PGM5: variants seen among roughly 807,000 people sequenced by gnomAD.
PGM5 encodes the protein phosphoglucomutase-like protein 5.
A neutral mutation model predicts 59.2 loss-of-function variants in PGM5; 23 were observed. The ratio of observed to expected loss-of-function variants is 0.39; its 90% CI spans 0.28 to 0.55. PGM5 has a LOEUF of 0.55. Among genes scored for constraint, PGM5 ranks in the 20% least tolerant of loss-of-function variants. The probability of loss-of-function intolerance (pLI) is 0.66; values close to 1 mark genes in which losing one functional copy is unlikely to be tolerated. For missense variants in PGM5, 574 were observed against 748.3 expected, an observed-to-expected ratio of 0.77 and a Z score of 2.72; for synonymous variants, 214 against 286.0, an observed-to-expected ratio of 0.75 and a Z score of 2.54.
intron 3 of PGM5, among the ~76,000 whole-genome samples, chr9:68,386,518 T>A (rs1332713937): frequency 6.6e-6 from 1 of 152,206 alleles, no homozygotes; most frequent in Non-Finnish European, 1.5e-5. Context: ...ATATCACACC[T>A]GGATTTACTA....
intron 6 of PGM5, among the ~76,000 whole-genome samples, chr9:68,435,247 A>G (rs1823426349): frequency 6.6e-6 from 1 of 152,204 alleles, no homozygotes; most frequent in South Asian, 2.1e-4. Flanking sequence ...AGTTTTTAGA[A>G]TTTTAACAGC....
intron 6 of PGM5, 76 bp from the exon 7 acceptor site, chr9:68,465,017 G>A: frequency 2.3e-6 from 2 of 872,324 alleles, no homozygotes; most frequent in Non-Finnish European, 3.7e-6. Flanking sequence ...AGATCCTAAA[G>A]ACTTCCTACT....
At chr9:68,378,796 T>C (rs1821990915) in intron 2 of PGM5, among the ~76,000 whole-genome samples, 1 of 152,116 alleles carries the variant, frequency 6.6e-6, no homozygotes, top group African/African-American at 2.4e-5. Context: ...TCCTACAGTG[T>C]TGACTTTCTC....
At chr9:68,438,917 C>G (rs1377697675) in intron 6 of PGM5, among the ~76,000 whole-genome samples, 1 of 152,032 alleles carries the variant, frequency 6.6e-6, no homozygotes, top group Non-Finnish European at 1.5e-5. Context: ...CCATAGCTCC[C>G]AAACAATCCA....
chr9:68,475,872 T>C (rs1258087058), intron 7 of PGM5, among the ~76,000 whole-genome samples: 1 of 152,080 alleles, frequency 6.6e-6, no homozygotes, highest in Non-Finnish European at 1.5e-5. Context: ...AATAAATAAA[T>C]TAGCCAGGCA....
chr9:68,454,992 C>T (rs561879779), intron 6 of PGM5, among the ~76,000 whole-genome samples: 1 of 152,332 alleles, frequency 6.6e-6, no homozygotes, highest in South Asian at 2.1e-4. Context: ...CCTGGGTGAC[C>T]GAAGGAAACC....
chr9:68,525,856 A>G (rs1432012491), intron 10 of PGM5, among the ~76,000 whole-genome samples: 14 of 152,212 alleles, frequency 9.2e-5, no homozygotes, highest in Non-Finnish European at 1.8e-4. Context: ...GGAGATCAAG[A>G]CCGTCCTGGC....
intron 1 of PGM5, among the ~76,000 whole-genome samples, chr9:68,375,459 A>G (rs1554677521): frequency 6.6e-6 from 1 of 152,232 alleles, no homozygotes. Flanking sequence ...GCCTAGTCCA[A>G]GACTCTATCA....
chr9:68,514,838 C>T (rs1554689614), intron 10 of PGM5, among the ~76,000 whole-genome samples: 1 of 152,144 alleles, frequency 6.6e-6, no homozygotes, highest in African/African-American at 2.4e-5. Flanking sequence ...CAGAAAATAA[C>T]CCAGACAAAT....
Position 68,357,105 on chromosome 9 carries a change from A to C in PGM5, c.-23A>C. On this transcript the variant is annotated 5_prime_UTR_variant, in exon 1 of 11. Transcript: ENST00000396396. ...GATTCCCTCCGGCTCCGGGAGCCGC[A>C]GCAGGACCGGCCAGGAGGCGCCATG... 6.7e-7 allele frequency: 1 copy of C among 1,486,212 alleles called. No individual in the cohort carries two copies. Among genetic ancestry groups the C allele is most frequent in the Non-Finnish European group, 8.9e-7 (1 of 1,122,994 alleles). The allele number at this position is 1,486,212 out of a possible 1,614,324, so 92.1% of individuals were successfully genotyped here.
At chr9:68,490,752 T>G (rs543314998) in intron 9 of PGM5, among the ~76,000 whole-genome samples, 1 of 152,222 alleles carries the variant, frequency 6.6e-6, no homozygotes, top group African/African-American at 2.4e-5. Flanking sequence ...TGCCATTTGC[T>G]GGAGTGTGGT....
At chr9:68,383,834 T>A (rs1371132841) in intron 2 of PGM5, among the ~76,000 whole-genome samples, 1 of 151,784 alleles carries the variant, frequency 6.6e-6, no homozygotes, top group Non-Finnish European at 1.5e-5. Context: ...ACTTGTCAAT[T>A]TGGTCTTCCG....
intron 7 of PGM5, chr9:68,466,038 A>T: frequency 1.4e-6 from 1 of 708,006 alleles, no homozygotes; most frequent in Non-Finnish European, 2.1e-6. Context: ...CTCCTTCCCC[A>T]TTCTTTGTCT....
At chr9:68,444,352 G>A (rs138525446) in intron 6 of PGM5, among the ~76,000 whole-genome samples, 1 of 152,100 alleles carries the variant, frequency 6.6e-6, no homozygotes, top group African/African-American at 2.4e-5. Flanking sequence ...AGTGCATATG[G>A]TTATGATATA....
intron 1 of PGM5, among the ~76,000 whole-genome samples, chr9:68,361,807 G>A (rs1834585223): frequency 6.6e-6 from 1 of 151,812 alleles, no homozygotes; most frequent in Admixed American, 6.6e-5. Context: ...CCATTGCAAG[G>A]TTTAGTTAGA....
At chr9:68,482,167 T>A (rs1338533055) in intron 8 of PGM5, among the ~76,000 whole-genome samples, 1 of 152,126 alleles carries the variant, frequency 6.6e-6, no homozygotes, top group African/African-American at 2.4e-5. Flanking sequence ...CAAACAGATC[T>A]GATGATTCTC....
intron 6 of PGM5, chr9:68,397,747 C>T (rs575007656): frequency 3.3e-5 from 5 of 151,262 alleles, no homozygotes; most frequent in Admixed American, 6.6e-5. Context: ...TGGTGGGCAT[C>T]GAGCATCTTG....
At chr9:68,489,029 T>C (rs1477292489) in intron 9 of PGM5, among the ~76,000 whole-genome samples, 1 of 152,172 alleles carries the variant, frequency 6.6e-6, no homozygotes, top group African/African-American at 2.4e-5. Flanking sequence ...GCGACTTCAT[T>C]GTGCAAACAT....
intron 10 of PGM5, among the ~76,000 whole-genome samples, chr9:68,526,720 C>A (rs1212375474): frequency 1.3e-5 from 2 of 152,020 alleles, no homozygotes; most frequent in Non-Finnish European, 2.9e-5. Flanking sequence ...AAAAATAATT[C>A]TTCTATAATT....
Sources: allele counts gnomAD v4.1 joint callset (sites outside exome capture counted in the v4.1 genomes callset), GRCh38; gene constraint gnomAD v4.1.1; transcripts MANE v1.5; gene names NCBI Gene and HGNC (gene_info 2026-07-23, HGNC 2026-07-21).